The following HS3ST1 variants were observed in gnomAD, a reference collection of about 807,000 sequenced individuals.
HS3ST1 encodes heparan sulfate-glucosamine 3-sulfotransferase 1.
A neutral mutation model predicts 20.7 loss-of-function variants in HS3ST1; 8 were observed. The observed-to-expected ratio is 0.39, with a 90% confidence interval of 0.23 to 0.70. The LOEUF (loss-of-function observed/expected upper bound fraction) is 0.70, where lower values mean the gene tolerates loss of function less well. Ranked by LOEUF, HS3ST1 falls within the 30% of genes least tolerant of loss-of-function variation. The pLI is 0.46. For synonymous variants in HS3ST1, 205 were observed against 190.4 expected, an observed-to-expected ratio of 1.08 and a Z score of -0.63; for missense variants, 436 against 423.4, an observed-to-expected ratio of 1.03 and a Z score of -0.26.
At chr4:11,401,419 A>G (rs1577436481) in intron 1 of HS3ST1, among the ~76,000 whole-genome samples, 1 of 149,366 alleles carries the variant, frequency 6.7e-6, no homozygotes, top group Non-Finnish European at 1.5e-5. Flanking sequence ...ATCTCAGCTC[A>G]CCGCAACCTC....
At chr4:11,400,631 C>T (rs910392757) in intron 1 of HS3ST1, among the ~76,000 whole-genome samples, 10 of 152,186 alleles carry the variant, frequency 6.6e-5, no homozygotes, top group Admixed American at 6.5e-4. Context: ...ATCTACTACT[C>T]ACCAGTCCCT....
At position 11,399,628 on chromosome 4, in the gene HS3ST1, C is replaced by A. The variant is rs190695013; in HGVS notation, c.378G>T (p.Ser126=). 11 of 1,613,872 alleles carry A rather than the reference C, an allele frequency of 6.8e-6. No individual in the cohort carries two copies. The highest frequency in any genetic ancestry group is 1.3e-5 in the African/African-American group (1 of 75,034). Reference sequence around the variant, plus strand: ...TGTAGACTCGCTCAGGCACTTTGGGCGACGTGAAATACGCGGGGGTCTTCT... The same window carrying A: ...TGTAGACTCGCTCAGGCACTTTGGGAGACGTGAAATACGCGGGGGTCTTCT... ...TVEKTPAYFT[S]PKVPERVYSM... is the part of the protein sequence containing the mutation. The change falls in exon 2 of 2, where the codon TCG becomes TCT. Residue 126 remains serine (S), a synonymous_variant. Coordinates refer to ENST00000002596, the MANE Select transcript of HS3ST1 (RefSeq NM_005114.4). This position sits in a 1 kb window ranked among gnomAD's most constrained non-coding sequence, Gnocchi z 5.1.
At chr4:11,402,165 G>A (rs1282506541) in intron 1 of HS3ST1, among the ~76,000 whole-genome samples, 1 of 152,156 alleles carries the variant, frequency 6.6e-6, no homozygotes, top group Non-Finnish European at 1.5e-5. Context: ...CCATTTTTAT[G>A]ATCAACCAGC....
chr4:11,394,354 A>G lies in HS3ST1; in HGVS notation c.*4728T>C, dbSNP rs1718082367. 6.6e-6 allele frequency: 1 copy of G among 152,204 alleles called. No individual in the cohort carries two copies. The highest frequency in any genetic ancestry group is 1.9e-4 in the East Asian group (1 of 5,192). The allele number at this position is 152,204 out of a possible 1,614,324, so 9.4% of individuals were successfully genotyped here. On this transcript the variant is annotated 3_prime_UTR_variant, in exon 2 of 2. Coordinates refer to ENST00000002596, the MANE Select transcript of HS3ST1 (RefSeq NM_005114.4). Reference sequence around the variant, plus strand: ...TAGAGTAAAGGTCTTGACATCAGGGATAACTAAAGCACCAAGGTCATTTTC... The same window carrying G: ...TAGAGTAAAGGTCTTGACATCAGGGGTAACTAAAGCACCAAGGTCATTTTC...
At chr4:11,432,351 G>A (rs78273668), upstream of HS3ST1, among the ~76,000 whole-genome samples, 1,396 of 152,264 alleles carry the variant, frequency 9.2e-3, 25 homozygotes, top group African/African-American at 0.032. Flanking sequence ...AAAGACTCCA[G>A]TGGGACTCTT....
At chr4:11,419,750 A>G (rs1718878441) in intron 1 of HS3ST1, among the ~76,000 whole-genome samples, 1 of 152,194 alleles carries the variant, frequency 6.6e-6, no homozygotes, top group Non-Finnish European at 1.5e-5. Flanking sequence ...GAAAAAACAA[A>G]TTAGTCTGTG....
chr4:11,413,199 A>G (rs895861647), intron 1 of HS3ST1, among the ~76,000 whole-genome samples: 2 of 152,194 alleles, frequency 1.3e-5, no homozygotes. Context: ...TAAAAAGTTT[A>G]TCAGTGACAA....
chr4:11,413,207 C>T (rs1380705343), intron 1 of HS3ST1, among the ~76,000 whole-genome samples: 3 of 152,142 alleles, frequency 2.0e-5, no homozygotes, highest in Admixed American at 6.5e-5. Flanking sequence ...TTATCAGTGA[C>T]AATAAAGCAT....
At position 11,399,408 on chromosome 4, in the gene HS3ST1, TG is replaced by T. The variant is rs1444577030; in HGVS notation, c.597del (p.His199GlnfsTer37). On this transcript the variant is annotated frameshift_variant, in exon 2 of 2. Transcript: ENST00000002596. LOFTEE classifies it high-confidence loss of function. This position sits in a 1 kb window ranked among gnomAD's most constrained non-coding sequence, Gnocchi z 5.1. Reference protein sequence around the residue: ...KALNRSLYHVHMQNWLRFFPL... With the variant: ...KALNRSLYHVXMQNWLRFFPL... The stretch of plus-strand genomic sequence containing the variant: ...GGGAAAAAGCGCAGCCAGTTCTGCA[TG>T]TGCACGTGGTAGAGGCTGCGGTTGA... 6.2e-7 allele frequency: 1 copy of T among 1,614,010 alleles called. No homozygotes were observed. The highest frequency in any genetic ancestry group is 1.7e-5 in the Admixed American group (1 of 60,014).
chr4:11,415,779 C>G (rs966365802), intron 1 of HS3ST1, among the ~76,000 whole-genome samples: 5 of 152,096 alleles, frequency 3.3e-5, no homozygotes, highest in Non-Finnish European at 7.4e-5. Flanking sequence ...TAGCAGAGAA[C>G]CTTAAGAACT....
At chr4:11,432,400 T>C (rs541027000), upstream of HS3ST1, among the ~76,000 whole-genome samples, 1 of 152,322 alleles carries the variant, frequency 6.6e-6, no homozygotes, top group East Asian at 1.9e-4. Context: ...AAAAATCCAA[T>C]TTTAATAAAC....
Position 11,399,388 on chromosome 4 carries a change from A to G in HS3ST1, c.618T>C (p.Phe206=), listed in dbSNP as rs1047385. Residue 206 remains phenylalanine (F), a synonymous_variant, in exon 2 of 2, where the codon TTT becomes TTC. Transcript: ENST00000002596. The surrounding 1 kb of genome is among the most constrained non-coding windows in gnomAD (Gnocchi z 5.1). ...YHVHMQNWLR[F]FPLRHIHIVD... ...CAATGTGGATGTGGCGCAGCGGGAA[A>G]AAGCGCAGCCAGTTCTGCATGTGCA... 360,082 of 1,613,632 alleles carry G rather than the reference A, an allele frequency of 0.22. 41,213 individuals carry two copies. Among genetic ancestry groups the G allele is most frequent in the South Asian group, 0.3 (27,301 of 91,052 alleles).
chr4:11,404,067 CAG>C (rs1450420980), intron 1 of HS3ST1, among the ~76,000 whole-genome samples: 3 of 152,076 alleles, frequency 2.0e-5, no homozygotes, highest in Admixed American at 6.6e-5. Flanking sequence ...TTTTTTGAGA[CAG>C]AGTCTTCCTC....
chr4:11,403,988 A>G (rs1718397283), intron 1 of HS3ST1, among the ~76,000 whole-genome samples: 2 of 152,242 alleles, frequency 1.3e-5, no homozygotes, highest in South Asian at 4.1e-4. Flanking sequence ...ATTTTAAAAC[A>G]TATATTCTAC....
At chr4:11,406,015 C>T (rs1307210987) in intron 1 of HS3ST1, among the ~76,000 whole-genome samples, 1 of 152,166 alleles carries the variant, frequency 6.6e-6, no homozygotes, top group African/African-American at 2.4e-5. Flanking sequence ...CCTTCACAGC[C>T]CCTCAATGAG....
At chr4:11,426,076 C>T (rs547389245) in intron 1 of HS3ST1, among the ~76,000 whole-genome samples, 6 of 152,170 alleles carry the variant, frequency 3.9e-5, no homozygotes, top group African/African-American at 9.7e-5. Flanking sequence ...GATGCAGGCC[C>T]GGAAACCTGG....
rs1413575504 is a variant in HS3ST1, at chr4:11,394,277, G to C, written c.*4805C>G. On this transcript the variant is annotated 3_prime_UTR_variant, in exon 2 of 2. Transcript: ENST00000002596. ...TGGTACAGCTAGGATGCACACCCAG[G>C]TCTTCTGGCTCTCTCTCTTTGCTGT... 2 of 152,218 alleles carry C rather than the reference G, an allele frequency of 1.3e-5. No homozygotes were observed. Among genetic ancestry groups the C allele is most frequent in the Non-Finnish European group, 2.9e-5 (2 of 68,052 alleles). 9.4% of individuals were successfully genotyped at this position (152,218 alleles called of 1,614,324 possible).
At chr4:11,403,868 A>G (rs964884559) in intron 1 of HS3ST1, among the ~76,000 whole-genome samples, 5 of 152,208 alleles carry the variant, frequency 3.3e-5, no homozygotes, top group Admixed American at 2.6e-4. Context: ...TCATCTGTAA[A>G]ATGGTAATAA....
At chr4:11,409,093 C>G (rs778377045) in intron 1 of HS3ST1, among the ~76,000 whole-genome samples, 25 of 152,190 alleles carry the variant, frequency 1.6e-4, no homozygotes, top group Non-Finnish European at 3.4e-4. Context: ...ACAAGAACCC[C>G]AAGGTCAGGC....
Sources: gnomAD v4.1 joint callset for allele counts (sites outside exome capture counted in the v4.1 genomes callset) on GRCh38, gnomAD v4.1.1 for gene constraint, Gnocchi (gnomAD v3.1) non-coding constraint, MANE v1.5 for transcripts, NCBI Gene and HGNC (gene_info 2026-07-23, HGNC 2026-07-21) for gene names.